DOCK1: variants seen among roughly 807,000 people sequenced by gnomAD.
The protein encoded by DOCK1 is dedicator of cytokinesis 1, also known as dedicator of cytokinesis protein 1.
Under a neutral mutation model 262.7 loss-of-function variants are expected in DOCK1, and 138 were observed. That is an observed-to-expected ratio of 0.53 (90% confidence interval 0.46 to 0.61). DOCK1 has a LOEUF of 0.61. Among genes scored for constraint, DOCK1 ranks in the 20% least tolerant of loss-of-function variants. The probability of loss-of-function intolerance (pLI) is 0.00; values close to 1 mark genes in which losing one functional copy is unlikely to be tolerated. For missense variants in DOCK1, 1,908 were observed against 2,370.7 expected, an observed-to-expected ratio of 0.80 and a Z score of 4.05; for synonymous variants, 866 against 867.4, an observed-to-expected ratio of 1.00 and a Z score of 0.03.
intron 16 of DOCK1, among the ~76,000 whole-genome samples, chr10:127,026,730 G>GTA (rs1282201803): frequency 6.6e-6 from 1 of 152,132 alleles, no homozygotes; most frequent in African/African-American, 2.4e-5. Context: ...TTACTGAGCT[G>GTA]TAACAAATAC....
intron 1 of DOCK1, among the ~76,000 whole-genome samples, chr10:126,919,339 G>A (rs1482095669): frequency 6.6e-6 from 1 of 152,184 alleles, no homozygotes; most frequent in Non-Finnish European, 1.5e-5. Flanking sequence ...AAGGAAATGT[G>A]ATTATTTTCC....
chr10:127,178,622 T>G (rs1488801203), intron 27 of DOCK1, among the ~76,000 whole-genome samples: 2 of 152,248 alleles, frequency 1.3e-5, no homozygotes, highest in Non-Finnish European at 2.9e-5. Flanking sequence ...GAGGCTTGCG[T>G]AGACAGCAAA....
intron 29 of DOCK1, among the ~76,000 whole-genome samples, chr10:127,337,593 A>C (rs1309971138): frequency 5.9e-5 from 9 of 152,318 alleles, no homozygotes; most frequent in Non-Finnish European, 1.3e-4. Context: ...GTTGCTGCCC[A>C]GCCTGTGTTC....
chr10:127,266,785 T>C (rs2060375567), intron 29 of DOCK1, among the ~76,000 whole-genome samples: 1 of 152,214 alleles, frequency 6.6e-6, no homozygotes, highest in Non-Finnish European at 1.5e-5. Flanking sequence ...TGCATTTTAC[T>C]ACAGCTCATG....
chr10:126,948,715 G>C (rs917462598), intron 1 of DOCK1, among the ~76,000 whole-genome samples: 1 of 151,946 alleles, frequency 6.6e-6, no homozygotes, highest in Non-Finnish European at 1.5e-5. Context: ...TGATGCGGGC[G>C]CCCAGCTGTG....
intron 18 of DOCK1, among the ~76,000 whole-genome samples, chr10:127,037,173 C>T (rs1035953013): frequency 4.6e-5 from 7 of 152,114 alleles, no homozygotes; most frequent in African/African-American, 7.2e-5. Flanking sequence ...TGGTGAGGGC[C>T]GGAAGCTCAC....
chr10:127,425,278 G>C (rs961561875), intron 46 of DOCK1, among the ~76,000 whole-genome samples: 1 of 152,148 alleles, frequency 6.6e-6, no homozygotes. Context: ...GCAGCTGGGA[G>C]AATGAAAATG....
chr10:127,257,369 A>G lies in DOCK1; in HGVS notation c.2984A>G (p.Asn995Ser). ...ATGGAAACATTCATCATGTTTAAGA[A>G]CCTCATTGGAAAGAACGTTTACCCC... ...FLMETFIMFK[N>S]LIGKNVYPFD... Residue 995 changes from asparagine to serine, a missense_variant, in exon 29 of 52, where the codon AAC becomes AGC. Around this residue, in one of 9 missense-constraint regions of DOCK1, gnomAD observed 518 missense variants for 575.1 expected, o/e 0.90. Coordinates refer to ENST00000623213, the MANE Select transcript of DOCK1 (RefSeq NM_001290223.2). The G allele has an allele frequency of 6.2e-7, 1 of 1,606,220 alleles. No homozygotes were observed. Among genetic ancestry groups the G allele is most frequent in the Admixed American group, 1.7e-5 (1 of 59,170 alleles).
intron 1 of DOCK1, among the ~76,000 whole-genome samples, chr10:126,943,715 A>C (rs2035187878): frequency 6.6e-6 from 1 of 152,160 alleles, no homozygotes; most frequent in Admixed American, 6.5e-5. Flanking sequence ...AGGACTACCA[A>C]GGGAGGCTTC....
chr10:127,025,988 G>A (rs1408067392), intron 15 of DOCK1: 4 of 235,228 alleles, frequency 1.7e-5, no homozygotes, highest in South Asian at 5.2e-5. Flanking sequence ...CGCAGGAGGC[G>A]GAGGTTGTGG....
At chr10:127,277,941 C>T (rs115128962) in intron 29 of DOCK1, among the ~76,000 whole-genome samples, 2,465 of 150,226 alleles carry the variant, frequency 0.016, 75 homozygotes, top group African/African-American at 0.057. Flanking sequence ...TTTTCATAGC[C>T]CTATTTTATA....
chr10:127,411,964 ATTTG>A (rs902665968), intron 43 of DOCK1, among the ~76,000 whole-genome samples: 2 of 151,604 alleles, frequency 1.3e-5, no homozygotes, highest in African/African-American at 4.9e-5. Flanking sequence ...TTTTATTTTT[ATTTG>A]TTTATTTTTT....
In DOCK1 at chr10:126,934,028, G is replaced by T. The variant is rs975989483; in HGVS notation, c.46+28465G>T. Among the ~76,000 whole-genome samples the T allele has an allele frequency of 2.6e-5, 4 of 152,064 alleles. No individual in the cohort carries two copies. In the South Asian group the frequency reaches 6.2e-4, roughly 24 times the overall value. On this transcript the variant is annotated intron_variant, in intron 1 of 51. Transcript: ENST00000623213. The stretch of plus-strand genomic sequence containing the variant: ...GATGAGGTTTTGCCATGTTGGACAG[G>T]CTGGTTTCGAACTCCTGACCTTGTA...
At chr10:127,040,541 G>A (rs1218979030) in intron 19 of DOCK1, among the ~76,000 whole-genome samples, 1 of 152,168 alleles carries the variant, frequency 6.6e-6, no homozygotes, top group African/African-American at 2.4e-5. Context: ...TGCTGCTGCT[G>A]TGGTTCCACA....
intron 1 of DOCK1, among the ~76,000 whole-genome samples, chr10:126,948,073 TTGGTGG>T (rs2035705095): frequency 7.8e-6 from 1 of 127,846 alleles, no homozygotes; most frequent in African/African-American, 3.1e-5. Flanking sequence ...AGTATTACTG[TTGGTGG>T]TGATGGTGGT....
chr10:126,983,389 TTTC>T (rs1196499381), intron 4 of DOCK1, among the ~76,000 whole-genome samples: 1 of 152,152 alleles, frequency 6.6e-6, no homozygotes, highest in Non-Finnish European at 1.5e-5. Flanking sequence ...TCCTTTCCCC[TTTC>T]TAGTGCCAAT....
intron 10 of DOCK1, 112 bp downstream of exon 10, chr10:127,000,419 T>C: frequency 7.1e-7 from 1 of 1,405,168 alleles, no homozygotes; most frequent in African/African-American, 1.4e-5. Flanking sequence ...TATAAGCTTT[T>C]CTGCTGGAGA....
chr10:126,910,730 C>T (rs909809220), intron 1 of DOCK1, among the ~76,000 whole-genome samples: 3 of 152,160 alleles, frequency 2.0e-5, no homozygotes, highest in African/African-American at 7.2e-5. Context: ...CGCCTACCTC[C>T]CTCCACGCCT....
At chr10:126,949,384 C>A (rs1003671788) in intron 1 of DOCK1, among the ~76,000 whole-genome samples, 1 of 152,116 alleles carries the variant, frequency 6.6e-6, no homozygotes. Flanking sequence ...ATTTCGGCTC[C>A]CACGTGTCCC....
Sources: allele counts gnomAD v4.1 joint callset (sites outside exome capture counted in the v4.1 genomes callset), GRCh38; gene constraint gnomAD v4.1.1; regional missense constraint gnomAD v4.1.1; transcripts MANE v1.5; gene names NCBI Gene and HGNC (gene_info 2026-07-23, HGNC 2026-07-21).